The following ARHGAP12 variants were observed in gnomAD, a reference collection of about 807,000 sequenced individuals.
The protein encoded by ARHGAP12 is rho GTPase-activating protein 12.
A neutral mutation model predicts 108.6 loss-of-function variants in ARHGAP12; 64 were observed. The ratio of observed to expected loss-of-function variants is 0.59; its 90% CI spans 0.48 to 0.73. The LOEUF (loss-of-function observed/expected upper bound fraction) is 0.73. Ranked by LOEUF, ARHGAP12 falls within the 30% of genes least tolerant of loss-of-function variation. ARHGAP12 has a pLI of 0.00. For synonymous variants in ARHGAP12, 312 were observed against 337.2 expected, an observed-to-expected ratio of 0.93 and a Z score of 0.82; for missense variants, 940 against 1,005.9, an observed-to-expected ratio of 0.93 and a Z score of 0.89.
intron 12 of ARHGAP12, 60 bp from the exon 13 acceptor site, chr10:31,817,946 A>G: frequency 8.3e-7 from 1 of 1,199,904 alleles, no homozygotes; most frequent in Non-Finnish European, 1.2e-6. Context: ...AGCAAAATAC[A>G]TGAATACCTT....
intron 10 of ARHGAP12, among the ~76,000 whole-genome samples, chr10:31,827,293 G>C (rs757715965): frequency 1.3e-5 from 2 of 152,034 alleles, no homozygotes; most frequent in Non-Finnish European, 2.9e-5. Context: ...AAACAAAACA[G>C]TTTTTATTTT....
chr10:31,883,351 A>T (rs1300857576), intron 3 of ARHGAP12, among the ~76,000 whole-genome samples: 1 of 152,222 alleles, frequency 6.6e-6, no homozygotes, highest in Non-Finnish European at 1.5e-5. Flanking sequence ...CCCTTGCCTA[A>T]ATTTGCTTCA....
At chr10:31,822,828 G>A (rs1390918670) in intron 11 of ARHGAP12, among the ~76,000 whole-genome samples, 1 of 152,046 alleles carries the variant, frequency 6.6e-6, no homozygotes, top group African/African-American at 2.4e-5. Context: ...TTTGTCCTCT[G>A]GGGGACATCT....
chr10:31,825,531 C>T (rs1451703622), intron 11 of ARHGAP12, among the ~76,000 whole-genome samples: 2 of 152,110 alleles, frequency 1.3e-5, no homozygotes, highest in East Asian at 3.9e-4. Flanking sequence ...CCAGACCTGC[C>T]ACTTGGTAGC....
At chr10:31,881,422 ATTTATT>A (rs1449928461) in intron 3 of ARHGAP12, among the ~76,000 whole-genome samples, 1 of 152,242 alleles carries the variant, frequency 6.6e-6, no homozygotes, top group Non-Finnish European at 1.5e-5. Context: ...CAAAGTATAC[ATTTATT>A]TTAAGACTTT....
At chr10:31,831,705 A>C in intron 10 of ARHGAP12, 34 bp downstream of exon 10, 1 of 1,405,736 alleles carries the variant, frequency 7.1e-7, no homozygotes, top group Non-Finnish European at 9.9e-7. Flanking sequence ...TTTCAGATGA[A>C]TCATGTAAGA....
intron 3 of ARHGAP12, among the ~76,000 whole-genome samples, chr10:31,865,735 C>A (rs1032484709): frequency 1.3e-5 from 2 of 151,588 alleles, no homozygotes; most frequent in Admixed American, 6.6e-5. Flanking sequence ...AAAATTAGCC[C>A]GGCGTGGTGG....
chr10:31,826,402 G>T lies in ARHGAP12; in HGVS notation c.1449-17C>A. ...CAGTTCTTTCTGTAATTATAAAGAT[G>T]ACCGATTAAAGCTCCAATCTCGAGT... On this transcript the variant is annotated splice_polypyrimidine_tract_variant and intron_variant, in intron 10 of 19. Transcript: ENST00000344936. 3 of 1,597,408 alleles carry T rather than the reference G, an allele frequency of 1.9e-6. No individual in the cohort carries two copies. Among genetic ancestry groups the T allele is most frequent in the Middle Eastern group, 1.7e-4 (1 of 5,988 alleles).
chr10:31,909,883 G>A (rs1476010150), intron 2 of ARHGAP12, among the ~76,000 whole-genome samples: 3 of 152,136 alleles, frequency 2.0e-5, no homozygotes, highest in African/African-American at 7.2e-5. Context: ...GTGACAGAGT[G>A]AGACTTTGTC....
intron 4 of ARHGAP12, among the ~76,000 whole-genome samples, chr10:31,856,093 T>G (rs972701517): frequency 6.6e-6 from 1 of 152,158 alleles, no homozygotes; most frequent in African/African-American, 2.4e-5. Context: ...GGGGCTATGG[T>G]AGATGCTCCA....
At chr10:31,898,796 C>A (rs577287213) in intron 3 of ARHGAP12, among the ~76,000 whole-genome samples, 1 of 152,134 alleles carries the variant, frequency 6.6e-6, no homozygotes, top group East Asian at 1.9e-4. Flanking sequence ...GGAGGATAGA[C>A]CATCTAGGTT....
At chr10:31,928,643 C>T (rs1347777527) in intron 1 of ARHGAP12, 40 bp downstream of exon 1, 5 of 152,496 alleles carry the variant, frequency 3.3e-5, no homozygotes, top group Admixed American at 1.3e-4. Context: ...GCCTCGCCAA[C>T]CTGCCCTCCG....
intron 3 of ARHGAP12, among the ~76,000 whole-genome samples, chr10:31,884,928 A>AATAAAAATCAATT (rs1838135187): frequency 6.6e-6 from 1 of 152,352 alleles, no homozygotes; most frequent in African/African-American, 2.4e-5. Context: ...TATCATATGC[A>AATAAAAATCAATT]ATAAAAATCA....
intron 3 of ARHGAP12, among the ~76,000 whole-genome samples, chr10:31,871,988 T>C (rs2132337393): frequency 6.6e-6 from 1 of 152,282 alleles, no homozygotes; most frequent in African/African-American, 2.4e-5. Context: ...CAGCCTTACT[T>C]CTCTACAGCT....
At chr10:31,850,693 A>G (rs1836642545) in intron 6 of ARHGAP12, among the ~76,000 whole-genome samples, 1 of 152,174 alleles carries the variant, frequency 6.6e-6, no homozygotes, top group Admixed American at 6.5e-5. Context: ...TTTTATTGGA[A>G]GACAATGAAA....
rs532014167 is a variant in ARHGAP12, at chr10:31,830,437, G to A, written c.1448+1302C>T. Reference sequence around the variant, plus strand: ...AAAAACAAAAGCAAAGAAAGTAGCCGAAGAGCTATCTGCACTACATATTCC... The same window carrying A: ...AAAAACAAAAGCAAAGAAAGTAGCCAAAGAGCTATCTGCACTACATATTCC... On this transcript the variant is annotated intron_variant, in intron 10 of 19. Transcript: ENST00000344936. Among the ~76,000 whole-genome samples, 102 of 152,104 alleles carry A rather than the reference G, an allele frequency of 6.7e-4. 2 individuals are homozygous for A. Among genetic ancestry groups the A allele is most frequent in the South Asian group, 2.9e-3 (14 of 4,822 alleles).
intron 3 of ARHGAP12, among the ~76,000 whole-genome samples, chr10:31,872,853 T>C (rs966270143): frequency 6.6e-6 from 1 of 152,196 alleles, no homozygotes; most frequent in African/African-American, 2.4e-5. Context: ...TGTTCCAAAA[T>C]TCCCATACTA....
chr10:31,896,980 A>AC (rs35626570), intron 3 of ARHGAP12, among the ~76,000 whole-genome samples: 1 of 151,838 alleles, frequency 6.6e-6, no homozygotes, highest in East Asian at 1.9e-4. Context: ...GAACATTTAA[A>AC]GGTCATTTCA....
Position 31,820,505 on chromosome 10 carries a change from GA to G in ARHGAP12, c.1531-18del, listed in dbSNP as rs775163560. Reference sequence around the variant, plus strand: ...ACTGCCAAACTTCATTTTTGAAAAAGAAAAAAAACCTTCATGTGATACTCAC... The same window carrying G: ...ACTGCCAAACTTCATTTTTGAAAAAGAAAAAAACCTTCATGTGATACTCAC... On this transcript the variant is annotated intron_variant, in intron 11 of 19. Transcript: ENST00000344936. 12 of 1,530,744 alleles carry G rather than the reference GA, an allele frequency of 7.8e-6. No individual in the cohort carries two copies. Among genetic ancestry groups the G allele is most frequent in the Admixed American group, 4.3e-5 (2 of 46,772 alleles). The allele number at this position is 1,530,744 out of a possible 1,614,324, so 94.8% of individuals were successfully genotyped here.
Sources: gnomAD v4.1 joint callset for allele counts (sites outside exome capture counted in the v4.1 genomes callset) on GRCh38, gnomAD v4.1.1 for gene constraint, MANE v1.5 for transcripts, NCBI Gene and HGNC (gene_info 2026-07-23, HGNC 2026-07-21) for gene names.